CCSER1: variants seen among roughly 807,000 people sequenced by gnomAD.
The protein encoded by CCSER1 is coiled-coil serine rich protein 1.
Under a neutral mutation model 82.0 loss-of-function variants are expected in CCSER1, and 41 were observed. That is an observed-to-expected ratio of 0.50 (90% confidence interval 0.39 to 0.65). The LOEUF (loss-of-function observed/expected upper bound fraction) is 0.65. Ranked by LOEUF, CCSER1 falls within the 30% of genes least tolerant of loss-of-function variation. The probability of loss-of-function intolerance (pLI) is 0.00; values close to 1 mark genes in which losing one functional copy is unlikely to be tolerated. For missense variants in CCSER1, 1,119 were observed against 1,064.2 expected (o/e 1.05, Z -0.72); for synonymous variants, 414 against 383.9 (o/e 1.08, Z -0.92).
intron 3 of CCSER1, among the ~76,000 whole-genome samples, chr4:90,336,392 G>T (rs543167116): frequency 6.6e-6 from 1 of 152,284 alleles, no homozygotes; most frequent in African/African-American, 2.4e-5. Flanking sequence ...GTAAGAAAGT[G>T]TAAAATGAAT....
chr4:90,828,528 T>G (rs1217324734), intron 8 of CCSER1, among the ~76,000 whole-genome samples: 6 of 152,186 alleles, frequency 3.9e-5, no homozygotes, highest in Non-Finnish European at 8.8e-5. Flanking sequence ...GAGATTGTTT[T>G]TAAAAATTTA....
intron 10 of CCSER1, among the ~76,000 whole-genome samples, chr4:91,318,702 T>C (rs1330759203): frequency 2.0e-5 from 3 of 152,066 alleles, no homozygotes; most frequent in African/African-American, 7.2e-5. Flanking sequence ...ATCTTTATTC[T>C]TCTCTATGTC....
chr4:90,477,581 A>G (rs980488127), intron 5 of CCSER1, among the ~76,000 whole-genome samples: 1 of 152,208 alleles, frequency 6.6e-6, no homozygotes, highest in Non-Finnish European at 1.5e-5. Context: ...ATATTTCCTC[A>G]AATTTGCCTA....
At chr4:91,453,326 A>AT (rs1755970590) in intron 10 of CCSER1, among the ~76,000 whole-genome samples, 1 of 151,918 alleles carries the variant, frequency 6.6e-6, no homozygotes, top group Non-Finnish European at 1.5e-5. Context: ...CACCATGTTC[A>AT]TTTTATAGGT....
At chr4:90,961,358 T>C (rs947001830) in intron 9 of CCSER1, among the ~76,000 whole-genome samples, 3 of 152,148 alleles carry the variant, frequency 2.0e-5, no homozygotes, top group African/African-American at 7.2e-5. Flanking sequence ...TAACTGTAGC[T>C]CAATTCAAGG....
At chr4:91,189,525 G>A (rs571191383) in intron 10 of CCSER1, among the ~76,000 whole-genome samples, 3 of 152,224 alleles carry the variant, frequency 2.0e-5, no homozygotes, top group African/African-American at 7.2e-5. Flanking sequence ...GACCTCATTT[G>A]AATTAAAGTT....
At chr4:90,807,714 A>G (rs938837226) in intron 7 of CCSER1, among the ~76,000 whole-genome samples, 6 of 152,130 alleles carry the variant, frequency 3.9e-5, no homozygotes, top group African/African-American at 1.4e-4. Context: ...TAAGGACTAT[A>G]AAACACTGAT....
intron 10 of CCSER1, among the ~76,000 whole-genome samples, chr4:91,502,459 A>T (rs1326764721): frequency 6.6e-6 from 1 of 152,178 alleles, no homozygotes; most frequent in Non-Finnish European, 1.5e-5. Flanking sequence ...AATATCATCA[A>T]CAACAAGAAG....
intron 5 of CCSER1, among the ~76,000 whole-genome samples, chr4:90,531,582 A>AT (rs1321662270): frequency 6.6e-6 from 1 of 152,148 alleles, no homozygotes; most frequent in African/African-American, 2.4e-5. Flanking sequence ...TGAATGTCAA[A>AT]TGTTTAAAGG....
Position 90,271,846 on chromosome 4 carries a change from ATATATATATATATATATTTTTT to A in CCSER1, c.-41-36396_-41-36375del, listed in dbSNP as rs1489161027. Among the ~76,000 whole-genome samples the A allele has an allele frequency of 3.6e-4, 9 of 24,832 alleles. No homozygotes were observed. The East Asian group carries it at 7.3e-3, about 20-fold the overall frequency. The allele number at this position is 24,832 out of a possible 152,430, so 16.3% of individuals were successfully genotyped here. On this transcript the variant is annotated intron_variant, in intron 1 of 10. Coordinates refer to ENST00000509176, the MANE Select transcript of CCSER1 (RefSeq NM_001145065.2). The stretch of plus-strand genomic sequence containing the variant: ...ACAATTTATATATATATATATATAT[ATATATATATATATATATTTTTT>A]TTTTTTTTTTTTTTTTTTTTTTAAA...
At chr4:90,152,323 T>C (rs1404369952) in intron 1 of CCSER1, among the ~76,000 whole-genome samples, 1 of 152,074 alleles carries the variant, frequency 6.6e-6, no homozygotes, top group Non-Finnish European at 1.5e-5. Context: ...GCTACCTTGA[T>C]TGGTGTGTGT....
chr4:90,169,889 A>G (rs1731301581), intron 1 of CCSER1, among the ~76,000 whole-genome samples: 1 of 151,712 alleles, frequency 6.6e-6, no homozygotes, highest in Admixed American at 6.6e-5. Flanking sequence ...TTTTCATGCC[A>G]TTTTCCAGGC....
At chr4:90,525,503 T>C (rs1773640464) in intron 5 of CCSER1, among the ~76,000 whole-genome samples, 1 of 152,150 alleles carries the variant, frequency 6.6e-6, no homozygotes, top group African/African-American at 2.4e-5. Context: ...AGTTAACAAA[T>C]TGTAAGTTGA....
intron 1 of CCSER1, among the ~76,000 whole-genome samples, chr4:90,260,448 A>G (rs1249891558): frequency 4.6e-5 from 7 of 152,156 alleles, no homozygotes. Flanking sequence ...TGTTAGTTGC[A>G]TATAGGTTTA....
chr4:90,139,948 A>G (rs1234517749), intron 1 of CCSER1, among the ~76,000 whole-genome samples: 5 of 152,186 alleles, frequency 3.3e-5, no homozygotes, highest in African/African-American at 9.7e-5. Context: ...CGACAGAGTG[A>G]GACTCCATCT....
At chr4:90,927,505 G>T (rs1416478612) in intron 9 of CCSER1, among the ~76,000 whole-genome samples, 4 of 151,906 alleles carry the variant, frequency 2.6e-5, no homozygotes, top group Non-Finnish European at 5.9e-5. Context: ...CACGTATTTT[G>T]TCTCATTCAT....
chr4:90,535,939 G>A (rs1379886185), intron 5 of CCSER1, among the ~76,000 whole-genome samples: 1 of 151,590 alleles, frequency 6.6e-6, no homozygotes, highest in Admixed American at 6.6e-5. Context: ...AATGACTTGA[G>A]TATCATATGT....
chr4:90,489,615 C>T (rs547044481), intron 5 of CCSER1, among the ~76,000 whole-genome samples: 2 of 152,228 alleles, frequency 1.3e-5, no homozygotes, highest in South Asian at 2.1e-4. Flanking sequence ...TGGTGTGCTG[C>T]ACCCATTAAC....
At chr4:90,339,472 A>G (rs1255061570) in intron 3 of CCSER1, among the ~76,000 whole-genome samples, 1 of 151,252 alleles carries the variant, frequency 6.6e-6, no homozygotes, top group Non-Finnish European at 1.5e-5. Context: ...TATGGCCTGC[A>G]TTTCCCTACA....
Sources: gnomAD v4.1 joint callset for allele counts (sites outside exome capture counted in the v4.1 genomes callset) on GRCh38, gnomAD v4.1.1 for gene constraint, MANE v1.5 for transcripts, NCBI Gene and HGNC (gene_info 2026-07-23, HGNC 2026-07-21) for gene names.